Variants in RPH3AL observed in about 807,000 individuals in gnomAD.
RPH3AL encodes rab effector Noc2.
A neutral mutation model predicts 43.1 loss-of-function variants in RPH3AL; 38 were observed. That is an observed-to-expected ratio of 0.88 (90% CI 0.68 to 1.15). The LOEUF (loss-of-function observed/expected upper bound fraction) is 1.15, where lower values mean the gene tolerates loss of function less well. RPH3AL is among the 50% of genes most tolerant of loss of function. The pLI is 0.00. For synonymous variants in RPH3AL, 189 were observed against 176.3 expected (o/e 1.07, Z -0.57); for missense variants, 462 against 423.2 (o/e 1.09, Z -0.81).
At chr17:321,494 C>CT in intron 3 of RPH3AL, 79 bp from the exon 4 acceptor site, 2 of 1,422,838 alleles carry the variant, frequency 1.4e-6, no homozygotes, top group Admixed American at 2.5e-5. Context: ...CCACCAAGCC[C>CT]CCCCGAGAAC....
At chr17:300,999 T>G (rs1349422577) in intron 5 of RPH3AL, among the ~76,000 whole-genome samples, 1 of 152,266 alleles carries the variant, frequency 6.6e-6, no homozygotes, top group Non-Finnish European at 1.5e-5. Flanking sequence ...GGCTGGGCCG[T>G]GACTCCTCCA....
In RPH3AL at chr17:315,074, T is replaced by C. The variant is rs1555519048; in HGVS notation, c.351+4346A>G. ...CTCCACTGAACTGTAGTCCCTGTGC[T>C]CCACCTCCACTGAATTGTAGTCCCT... is the stretch of plus-strand genomic sequence containing the variant. On this transcript the variant is annotated intron_variant, in intron 5 of 9. Transcript: ENST00000331302. 2.5e-3 allele frequency among the ~76,000 whole-genome samples: 136 copies of C among 55,370 alleles called. 15 individuals carry two copies. The highest frequency in any genetic ancestry group is 3.7e-3 in the African/African-American group (62 of 16,904). 36.3% of individuals were successfully genotyped at this position (55,370 alleles called of 152,430 possible).
intron 5 of RPH3AL, among the ~76,000 whole-genome samples, chr17:315,534 T>TCCATTGACCTGTAGTCCCTGTGCC (rs2043986212): frequency 2.6e-4 from 6 of 23,352 alleles, no homozygotes; most frequent in Admixed American, 9.3e-4. Flanking sequence ...GTCCCTGTGC[T>TCCATTGACCTGTAGTCCCTGTGCC]CCCACCTCCA....
At chr17:352,264 T>C (rs2045368773) in intron 1 of RPH3AL, among the ~76,000 whole-genome samples, 1 of 152,218 alleles carries the variant, frequency 6.6e-6, no homozygotes, top group South Asian at 2.1e-4. Flanking sequence ...CGCTCTGGTC[T>C]GCTCCGATGC....
chr17:271,814 G>C (rs1285088852), intron 6 of RPH3AL, among the ~76,000 whole-genome samples: 1 of 152,160 alleles, frequency 6.6e-6, no homozygotes, highest in African/African-American at 2.4e-5. Context: ...TGTTGAATAG[G>C]AGTGGCGAGA....
At position 323,050 on chromosome 17, in the gene RPH3AL, T is replaced by C. The variant is rs72806072; in HGVS notation, c.78-1635A>G. ...TAGCAAATTCCCAATTGCCTGCAAATGGTCGTTAATAGTGATAACTGTAAT... is the reference window on the plus strand; with the variant it reads ...TAGCAAATTCCCAATTGCCTGCAAACGGTCGTTAATAGTGATAACTGTAAT... On this transcript the variant is annotated intron_variant, in intron 3 of 9. Coordinates refer to ENST00000331302, the MANE Select transcript of RPH3AL (RefSeq NM_006987.4). The surrounding 1 kb of genome is among the most constrained non-coding windows in gnomAD (Gnocchi z 4.4). Among the ~76,000 whole-genome samples the C allele has an allele frequency of 0.18, 26,668 of 151,908 alleles. 3,017 individuals carry two copies. The highest frequency in any genetic ancestry group is 0.35 in the East Asian group (1,821 of 5,156).
chr17:295,242 T>G (rs1432177520), intron 5 of RPH3AL, among the ~76,000 whole-genome samples: 2 of 133,564 alleles, frequency 1.5e-5, no homozygotes, highest in Non-Finnish European at 3.1e-5. Context: ...GCTGCAGAAA[T>G]GGACAGCAGA....
chr17:258,356 C>T (rs992472090), intron 6 of RPH3AL, among the ~76,000 whole-genome samples: 1 of 152,194 alleles, frequency 6.6e-6, no homozygotes, highest in African/African-American at 2.4e-5. Context: ...TTTGCTGCAA[C>T]GTGTCTCAAC....
At position 212,687 on chromosome 17, in the gene RPH3AL, G is replaced by A. The variant is rs2040704374; in HGVS notation, c.*1165C>T. On this transcript the variant is annotated 3_prime_UTR_variant, in exon 10 of 10. Transcript: ENST00000331302. ...GGCAGGAGGCAGGAAGGATGGGAGG[G>A]TGTGATCACCGACACACACACACAC... 6.7e-6 allele frequency: 1 copy of A among 148,450 alleles called. No homozygotes were observed. Among genetic ancestry groups the A allele is most frequent in the Non-Finnish European group, 1.5e-5 (1 of 66,924 alleles). The allele number at this position is 148,450 out of a possible 1,614,324, so 9.2% of individuals were successfully genotyped here.
intron 7 of RPH3AL, among the ~76,000 whole-genome samples, chr17:226,934 C>T (rs551413076): frequency 1.3e-5 from 2 of 152,324 alleles, no homozygotes; most frequent in East Asian, 3.9e-4. Flanking sequence ...GGATGGCTCA[C>T]CGACGAGCCC....
intron 5 of RPH3AL, among the ~76,000 whole-genome samples, chr17:301,811 G>A (rs545733531): frequency 6.5e-4 from 99 of 152,294 alleles, no homozygotes; most frequent in Non-Finnish European, 1.2e-3. Flanking sequence ...AGCCGTAGGA[G>A]TCATTGCAAG....
Position 267,040 on chromosome 17 carries a change from T to A in RPH3AL, c.438+14728A>T, listed in dbSNP as rs142925191. On this transcript the variant is annotated intron_variant, in intron 6 of 9. Transcript: ENST00000331302. ...GTGCCCCGTGGGCACCCCATGGCCTTTGCATCATCTCTCACGTCACCTGTG... is the reference window on the plus strand; with the variant it reads ...GTGCCCCGTGGGCACCCCATGGCCTATGCATCATCTCTCACGTCACCTGTG... Among the ~76,000 whole-genome samples, 750 of 152,316 alleles carry A rather than the reference T, an allele frequency of 4.9e-3. 10 individuals are homozygous for A. Among genetic ancestry groups the A allele is most frequent in the African/African-American group, 0.017 (702 of 41,580 alleles).
chr17:270,625 G>A (rs1239901818), intron 6 of RPH3AL, among the ~76,000 whole-genome samples: 1 of 152,120 alleles, frequency 6.6e-6, no homozygotes, highest in Non-Finnish European at 1.5e-5. Context: ...AGAGGCAGGA[G>A]GATTGGTTGA....
chr17:217,073 T>C (rs1250454913), intron 8 of RPH3AL, among the ~76,000 whole-genome samples: 2 of 147,676 alleles, frequency 1.4e-5, no homozygotes, highest in Non-Finnish European at 3.0e-5. Context: ...TCTGGGGCAG[T>C]TATTACAGAG....
At chr17:263,884 C>A (rs183128552) in intron 6 of RPH3AL, among the ~76,000 whole-genome samples, 4 of 152,164 alleles carry the variant, frequency 2.6e-5, no homozygotes, top group East Asian at 3.9e-4. Context: ...CGCCCGGAGT[C>A]GGAATTGTGG....
intron 6 of RPH3AL, among the ~76,000 whole-genome samples, chr17:253,729 CCATCCCTAGGAACG>C (rs1555543613): frequency 7.5e-6 from 1 of 133,436 alleles, no homozygotes; most frequent in African/African-American, 2.9e-5. Context: ...CTGTCCTTTT[CCATCCCTAGGAACG>C]TGACTACCCT....
intron 5 of RPH3AL, among the ~76,000 whole-genome samples, chr17:284,251 T>C (rs371032554): frequency 6.6e-5 from 10 of 152,096 alleles, no homozygotes; most frequent in African/African-American, 2.4e-4. Flanking sequence ...TGATCCCCAC[T>C]ATATAGATGA....
chr17:281,779 C>T lies in RPH3AL; in HGVS notation c.427G>A (p.Glu143Lys). ...CCTGGACGCCCTACCTCTCTTTGCT[C>T]ACTGCAGATCTTACACAGCCACAGG... Reference protein sequence around the residue: ...RPLWLCKICSEQREVWKRSGA... With the variant: ...RPLWLCKICSKQREVWKRSGA... Residue 143 changes from glutamate to lysine, a missense_variant, in exon 6 of 10, where the codon GAG (glutamate) becomes AAG (lysine). Glu to Lys is a moderately conservative substitution (Grantham distance 56). Coordinates refer to ENST00000331302, the MANE Select transcript of RPH3AL (RefSeq NM_006987.4). 1 of 1,613,622 alleles carries T rather than the reference C, an allele frequency of 6.2e-7. No homozygotes were observed. The highest frequency in any genetic ancestry group is 8.5e-7 in the Non-Finnish European group (1 of 1,179,820).
At chr17:345,740 T>G (rs1447276557) in intron 1 of RPH3AL, among the ~76,000 whole-genome samples, 2 of 123,010 alleles carry the variant, frequency 1.6e-5, no homozygotes, top group African/African-American at 5.5e-5. Flanking sequence ...GGGGCACGCG[T>G]GCTCCCCATC....
Sources: gnomAD v4.1 joint callset for allele counts (sites outside exome capture counted in the v4.1 genomes callset) on GRCh38, gnomAD v4.1.1 for gene constraint, Gnocchi (gnomAD v3.1) non-coding constraint, MANE v1.5 for transcripts, NCBI Gene and HGNC (gene_info 2026-07-23, HGNC 2026-07-21) for gene names.